ADARB2: variants seen among roughly 807,000 people sequenced by gnomAD.
The protein encoded by ADARB2 is adenosine deaminase RNA specific B2 (inactive).
In ADARB2, 25 loss-of-function variants were observed where a neutral mutation model predicts 62.2. That is an observed-to-expected ratio of 0.40 (90% CI 0.29 to 0.56). The LOEUF (loss-of-function observed/expected upper bound fraction) is 0.56. Among genes scored for constraint, ADARB2 ranks in the 20% least tolerant of loss-of-function variants. ADARB2 has a pLI of 0.43. For synonymous variants in ADARB2, 572 were observed against 500.8 expected (o/e 1.14, Z -1.90); for missense variants, 1,071 against 1,077.4 (o/e 0.99, Z 0.08).
intron 4 of ADARB2, among the ~76,000 whole-genome samples, chr10:1,266,511 TGGG>T (rs782182369): frequency 7.8e-6 from 1 of 128,442 alleles, no homozygotes; most frequent in Non-Finnish European, 1.6e-5. Flanking sequence ...TGGTGGGGGG[TGGG>T]GGGGGGGCCG....
intron 1 of ADARB2, among the ~76,000 whole-genome samples, chr10:1,720,845 G>C (rs796964972): frequency 6.6e-6 from 1 of 152,176 alleles, no homozygotes; most frequent in Admixed American, 6.5e-5. Flanking sequence ...TATAAAAGAC[G>C]TTTATTAACG....
intron 6 of ADARB2, among the ~76,000 whole-genome samples, chr10:1,223,346 G>A (rs1189456273): frequency 1.3e-5 from 2 of 152,186 alleles, no homozygotes; most frequent in African/African-American, 4.8e-5. Context: ...TAGATATACA[G>A]TCATGTCATC....
chr10:1,534,185 G>A, intron 1 of ADARB2, among the ~76,000 whole-genome samples: 1 of 150,194 alleles, frequency 6.7e-6, no homozygotes, highest in East Asian at 1.9e-4. Flanking sequence ...CGCCCAGGCT[G>A]GAGTGTAAGG....
chr10:1,347,239 G>A lies in ADARB2; in HGVS notation c.1077+15789C>T, dbSNP rs144879097. Among the ~76,000 whole-genome samples, 438 of 152,184 alleles carry A rather than the reference G, an allele frequency of 2.9e-3. 5 individuals are homozygous for A. Among genetic ancestry groups the A allele is most frequent in the African/African-American group, 9.7e-3 (403 of 41,504 alleles). The stretch of plus-strand genomic sequence containing the variant: ...CCCTGAAATCCCTTCTCCCTTTCCC[G>A]CCTTCCTGATCATAAAGTTGCAGTG... On this transcript the variant is annotated intron_variant, in intron 3 of 9. Transcript: ENST00000381312.
intron 1 of ADARB2, among the ~76,000 whole-genome samples, chr10:1,633,849 C>T (rs1404018882): frequency 6.6e-6 from 1 of 152,204 alleles, no homozygotes; most frequent in African/African-American, 2.4e-5. Context: ...GACTCTGACC[C>T]CTCCTCTAGT....
chr10:1,547,820 C>T (rs1385558052), intron 1 of ADARB2, among the ~76,000 whole-genome samples: 1 of 147,912 alleles, frequency 6.8e-6, no homozygotes, highest in African/African-American at 2.5e-5. Context: ...GGTGTATACA[C>T]TGTGGGGAGG....
In ADARB2 at chr10:1,417,905, C is replaced by A. The variant is rs749271889; in HGVS notation, c.101-38745G>T. 2.6e-5 allele frequency among the ~76,000 whole-genome samples: 4 copies of A among 152,216 alleles called. No homozygotes were observed. The East Asian group carries it at 7.7e-4, about 29-fold the overall frequency. ...TCAAAGTTTAGGCAGGAAGAGCAGA[C>A]GCCAGGGTGCATGGGGAAAATGGCG... is the stretch of plus-strand genomic sequence containing the variant. On this transcript the variant is annotated intron_variant, in intron 1 of 9. Coordinates refer to ENST00000381312, the MANE Select transcript of ADARB2 (RefSeq NM_018702.4).
chr10:1,714,328 A>G (rs1053793357), intron 1 of ADARB2, among the ~76,000 whole-genome samples: 2 of 152,218 alleles, frequency 1.3e-5, no homozygotes, highest in Non-Finnish European at 2.9e-5. Flanking sequence ...GAATTTAGGC[A>G]CCATGTATTT....
At chr10:1,267,134 G>GT (rs982834777) in intron 4 of ADARB2, among the ~76,000 whole-genome samples, 8 of 139,594 alleles carry the variant, frequency 5.7e-5, no homozygotes, top group African/African-American at 2.3e-4. Flanking sequence ...TTAAATCCAA[G>GT]TTAAAAAAAA....
chr10:1,194,566 A>G (rs1192477010), intron 8 of ADARB2, among the ~76,000 whole-genome samples: 1 of 152,236 alleles, frequency 6.6e-6, no homozygotes, highest in South Asian at 2.1e-4. Flanking sequence ...TCATCTATCT[A>G]TTCATCCATC....
chr10:1,544,397 G>A (rs558631640), intron 1 of ADARB2, among the ~76,000 whole-genome samples: 1 of 152,324 alleles, frequency 6.6e-6, no homozygotes, highest in South Asian at 2.1e-4. Flanking sequence ...TCCACTCCTT[G>A]GCCCAGGGCA....
At chr10:1,277,514 T>G (rs1831328990) in intron 3 of ADARB2, among the ~76,000 whole-genome samples, 1 of 152,152 alleles carries the variant, frequency 6.6e-6, no homozygotes, top group South Asian at 2.1e-4. Flanking sequence ...AAGAAATGGA[T>G]AAATTCCTCG....
At chr10:1,735,360 T>A (rs554919240) in intron 1 of ADARB2, among the ~76,000 whole-genome samples, 1 of 152,344 alleles carries the variant, frequency 6.6e-6, no homozygotes, top group South Asian at 2.1e-4. Flanking sequence ...CTAGCATGAC[T>A]GACGCTTCCT....
rs894029037 is a variant in ADARB2, at chr10:1,647,490, T to C, written c.100+89561A>G. ...ATATGTACGTGTGTATACTTGTGTA[T>C]ATACATGTGTATATATATGCCTGCA... On this transcript the variant is annotated intron_variant, in intron 1 of 9. Transcript: ENST00000381312. Among the ~76,000 whole-genome samples, 9 of 152,244 alleles carry C rather than the reference T, an allele frequency of 5.9e-5. 1 individual carries two copies. The highest frequency in any genetic ancestry group is 4.1e-4 in the South Asian group (2 of 4,838).
rs988589921 is a variant in ADARB2 at position 1,601,704 on chromosome 10, G to A, written c.100+135347C>T. ...GTGGGAGAGACGATGTGCTCCTGAC[G>A]ACAGCCACCTGCTCCCCCGAAAGCC... On this transcript the variant is annotated intron_variant, in intron 1 of 9. Transcript: ENST00000381312. Among the ~76,000 whole-genome samples the A allele has an allele frequency of 4.6e-5, 7 of 152,276 alleles. No homozygotes were observed. In the East Asian group the frequency reaches 7.7e-4, roughly 17 times the overall value.
intron 3 of ADARB2, among the ~76,000 whole-genome samples, chr10:1,310,835 T>C (rs2131822660): frequency 6.6e-6 from 1 of 152,100 alleles, no homozygotes; most frequent in Middle Eastern, 3.4e-3. Flanking sequence ...AGACAAGGAG[T>C]AGTTTTCAGT....
rs747010255 is a variant in ADARB2, at chr10:1,696,738, A to AGGACCTG, written c.100+40306_100+40312dup. 1.1e-3 allele frequency among the ~76,000 whole-genome samples: 163 copies of AGGACCTG among 152,316 alleles called. 1 individual carries two copies. The highest frequency in any genetic ancestry group is 4.5e-3 in the Admixed American group (69 of 15,302). On this transcript the variant is annotated intron_variant, in intron 1 of 9. Transcript: ENST00000381312. The stretch of plus-strand genomic sequence containing the variant: ...CCTCCTCCTGTAGGGCATTCTGCTC[A>AGGACCTG]GGACCTGGGACCTGGGGCTGAACTG...
chr10:1,617,540 G>A (rs1215604976), intron 1 of ADARB2, among the ~76,000 whole-genome samples: 1 of 149,090 alleles, frequency 6.7e-6, no homozygotes, highest in African/African-American at 2.5e-5. Flanking sequence ...TGACCTCAGA[G>A]GGTTACATTC....
intron 1 of ADARB2, among the ~76,000 whole-genome samples, chr10:1,555,570 G>A (rs917368630): frequency 2.0e-5 from 3 of 152,240 alleles, no homozygotes; most frequent in African/African-American, 7.2e-5. Flanking sequence ...AGGATGGACC[G>A]GGGCTTCATT....
Sources: allele counts gnomAD v4.1 joint callset (sites outside exome capture counted in the v4.1 genomes callset), GRCh38; gene constraint gnomAD v4.1.1; transcripts MANE v1.5; gene names NCBI Gene and HGNC (gene_info 2026-07-23, HGNC 2026-07-21).